Variants in CCDC88A observed in about 807,000 individuals in gnomAD.
The protein encoded by CCDC88A is girdin.
Under a neutral mutation model 234.3 loss-of-function variants are expected in CCDC88A, and 54 were observed. The ratio of observed to expected loss-of-function variants is 0.23; its 90% CI spans 0.19 to 0.29. CCDC88A has a LOEUF of 0.29. Ranked by LOEUF, CCDC88A falls within the 10% of genes least tolerant of loss-of-function variation. The pLI is 1.00. For missense variants in CCDC88A, 1,832 were observed against 2,123.4 expected (o/e 0.86, Z 2.70); for synonymous variants, 753 against 737.8 (o/e 1.02, Z -0.33).
intron 17 of CCDC88A, among the ~76,000 whole-genome samples, chr2:55,325,395 T>C (rs200171062): frequency 3.3e-5 from 5 of 152,240 alleles, no homozygotes; most frequent in East Asian, 3.8e-4. Flanking sequence ...TCCTGTGACA[T>C]TGATTAGTTC....
intron 3 of CCDC88A, among the ~76,000 whole-genome samples, chr2:55,383,250 T>G (rs1261082778): frequency 6.6e-6 from 1 of 152,080 alleles, no homozygotes; most frequent in African/African-American, 2.4e-5. Context: ...TCAAAAAAAT[T>G]TTTTGGGAAA....
At chr2:55,398,227 T>C (rs538542492) in intron 2 of CCDC88A, among the ~76,000 whole-genome samples, 1 of 152,324 alleles carries the variant, frequency 6.6e-6, no homozygotes, top group Non-Finnish European at 1.5e-5. Context: ...GCCAATAGAA[T>C]AGCGGAGTTC....
intron 2 of CCDC88A, among the ~76,000 whole-genome samples, chr2:55,408,416 G>C (rs2104973326): frequency 6.6e-6 from 1 of 152,190 alleles, no homozygotes; most frequent in Non-Finnish European, 1.5e-5. Context: ...CTAAGTCACA[G>C]GTTGAGATAA....
At chr2:55,400,203 A>G (rs555296410) in intron 2 of CCDC88A, among the ~76,000 whole-genome samples, 6 of 152,222 alleles carry the variant, frequency 3.9e-5, no homozygotes, top group Non-Finnish European at 8.8e-5. Context: ...TTTTGAAAGC[A>G]TACTATACCA....
intron 3 of CCDC88A, among the ~76,000 whole-genome samples, chr2:55,387,398 G>A (rs1292942862): frequency 6.6e-6 from 1 of 151,898 alleles, no homozygotes; most frequent in Non-Finnish European, 1.5e-5. Flanking sequence ...CTATGTTTAG[G>A]TATAAAATGT....
At chr2:55,350,788 T>C (rs571008640) in intron 8 of CCDC88A, among the ~76,000 whole-genome samples, 1 of 152,188 alleles carries the variant, frequency 6.6e-6, no homozygotes, top group African/African-American at 2.4e-5. Flanking sequence ...GCGTCCGGAA[T>C]AGCTGGGACT....
At chr2:55,316,592 A>G (rs1683008656) in intron 21 of CCDC88A, among the ~76,000 whole-genome samples, 1 of 152,242 alleles carries the variant, frequency 6.6e-6, no homozygotes, top group Middle Eastern at 3.4e-3. Flanking sequence ...AAAATTAGCT[A>G]GGCATGGTGG....
At chr2:55,360,351 C>T (rs551820557) in intron 7 of CCDC88A, among the ~76,000 whole-genome samples, 2 of 152,256 alleles carry the variant, frequency 1.3e-5, no homozygotes, top group African/African-American at 4.8e-5. Flanking sequence ...AATTGAATGA[C>T]ATAGAATTAG....
intron 17 of CCDC88A, among the ~76,000 whole-genome samples, chr2:55,326,723 C>A (rs540707996): frequency 1.3e-5 from 2 of 152,064 alleles, no homozygotes; most frequent in African/African-American, 2.4e-5. Context: ...CCCGCCACCA[C>A]GCCTGGCTGG....
chr2:55,374,320 A>T (rs1236480760), intron 4 of CCDC88A, among the ~76,000 whole-genome samples: 1 of 152,182 alleles, frequency 6.6e-6, no homozygotes, highest in Non-Finnish European at 1.5e-5. Flanking sequence ...GTGAGCCAAG[A>T]TCATGCCATT....
chr2:55,309,446 AC>A lies in CCDC88A; in HGVS notation c.4080-193del, dbSNP rs1323241912. ...CATGTTTCTCCTTTTTTAAAAATTT[AC>A]ATTTTTTTTTCCTTTTTGGAAGAAA... On this transcript the variant is annotated intron_variant, in intron 23 of 32. Transcript: ENST00000436346. This position sits in a 1 kb window ranked among gnomAD's most constrained non-coding sequence, Gnocchi z 5.1. 6.6e-6 allele frequency among the ~76,000 whole-genome samples: 1 copy of A among 151,470 alleles called. No homozygotes were observed. The highest frequency in any genetic ancestry group is 1.5e-5 in the Non-Finnish European group (1 of 67,698).
chr2:55,302,624 G>A (rs1440293764), intron 26 of CCDC88A: 1 of 158,656 alleles, frequency 6.3e-6, no homozygotes, highest in African/African-American at 2.4e-5. Context: ...AGAAAATCCA[G>A]AATATTATTA....
intron 4 of CCDC88A, 52 bp from the exon 5 acceptor site, chr2:55,372,562 A>G: frequency 1.2e-6 from 1 of 868,906 alleles, no homozygotes; most frequent in Middle Eastern, 2.2e-4. Context: ...TTTCAACTCT[A>G]TTATATTTGG....
At chr2:55,305,716 G>T (rs1681468716) in intron 25 of CCDC88A, among the ~76,000 whole-genome samples, 1 of 152,062 alleles carries the variant, frequency 6.6e-6, no homozygotes, top group African/African-American at 2.4e-5. Flanking sequence ...AATTGTCAGT[G>T]CAGTGCTGTT....
In CCDC88A at chr2:55,309,288, T is replaced by C. The variant is rs1241175337; in HGVS notation, c.4080-34A>G. On this transcript the variant is annotated intron_variant, in intron 23 of 32. Transcript: ENST00000436346. The surrounding 1 kb of genome is among the most constrained non-coding windows in gnomAD (Gnocchi z 5.1). ...TAAAAATTACCTTTTAGGACAGGCATCATATTTTGTACAGCTATGAATATT... is the reference window on the plus strand; with the variant it reads ...TAAAAATTACCTTTTAGGACAGGCACCATATTTTGTACAGCTATGAATATT... 2.1e-6 allele frequency: 2 copies of C among 964,090 alleles called. No individual in the cohort carries two copies. Among genetic ancestry groups the C allele is most frequent in the South Asian group, 1.4e-5 (1 of 69,800 alleles). 59.7% of individuals were successfully genotyped at this position (964,090 alleles called of 1,614,324 possible). A position where few individuals can be genotyped will look rare whatever the true frequency, so the allele number is the denominator to read the frequency against.
At chr2:55,359,644 A>T (rs1456856715) in intron 7 of CCDC88A, among the ~76,000 whole-genome samples, 5 of 150,138 alleles carry the variant, frequency 3.3e-5, no homozygotes, top group Non-Finnish European at 7.4e-5. Context: ...AATATATATA[A>T]AAAATGATAT....
chr2:55,310,309 T>C (rs10194658), intron 23 of CCDC88A, among the ~76,000 whole-genome samples: 12,984 of 152,086 alleles, frequency 0.085, 1,295 homozygotes, highest in African/African-American at 0.24. Context: ...AGGCAGGGCG[T>C]GGTGGCTCAG....
rs1393729503 is a variant in CCDC88A, at chr2:55,296,488, GGCTTTGTGGCCT to G, written c.4849_4860del (p.Arg1617_Ser1620del). 1.9e-6 allele frequency: 3 copies of G among 1,614,194 alleles called. No homozygotes were observed. The highest frequency in any genetic ancestry group is 1.7e-5 in the Admixed American group (1 of 60,024). On this transcript the variant is annotated inframe_deletion, in exon 30 of 33. Transcript: ENST00000436346. ...AGCAGGCTAAATTCTCCACTGCTGT[GGCTTTGTGGCCT>G]GCTTTGGTTATTAACTGCACCTGCT...
intron 2 of CCDC88A, among the ~76,000 whole-genome samples, chr2:55,397,759 A>G (rs916947561): frequency 1.3e-5 from 2 of 152,118 alleles, no homozygotes; most frequent in African/African-American, 4.8e-5. Context: ...CTTGAAATGT[A>G]TTCAGTTGTC....
Sources: gnomAD v4.1 joint callset for allele counts (sites outside exome capture counted in the v4.1 genomes callset) on GRCh38, gnomAD v4.1.1 for gene constraint, Gnocchi (gnomAD v3.1) non-coding constraint, MANE v1.5 for transcripts, NCBI Gene and HGNC (gene_info 2026-07-23, HGNC 2026-07-21) for gene names.